TRPC5: variants seen among roughly 807,000 people sequenced by gnomAD.
TRPC5 encodes the protein transient receptor potential cation channel subfamily C member 5.
A neutral mutation model predicts 56.5 loss-of-function variants in TRPC5; 9 were observed. The observed-to-expected ratio is 0.16, with a 90% confidence interval of 0.10 to 0.28. The LOEUF (loss-of-function observed/expected upper bound fraction) is 0.28. Among genes scored for constraint, TRPC5 ranks in the 10% least tolerant of loss-of-function variants. The probability of loss-of-function intolerance (pLI) is 1.00; values close to 1 mark genes in which losing one functional copy is unlikely to be tolerated. For synonymous variants in TRPC5, 282 were observed against 278.5 expected (o/e 1.01, Z -0.13); for missense variants, 469 against 748.9 (o/e 0.63, Z 4.36).
At chrX:111,909,163 A>AAAC (rs1569527957) in intron 3 of TRPC5, among the ~76,000 whole-genome samples, 4 of 92,760 alleles carry the variant, frequency 4.3e-5, no homozygotes, top group Admixed American at 1.3e-4. Flanking sequence ...AAAAAAAAAA[A>AAAC]AAAAAAAAAA....
chrX:111,983,242 A>T (rs1411120381), intron 1 of TRPC5, among the ~76,000 whole-genome samples: 1 of 111,809 alleles, frequency 8.9e-6, no homozygotes, highest in Non-Finnish European at 1.9e-5. Context: ...TTGGGCACTC[A>T]GCAGTGACTG....
intron 1 of TRPC5, among the ~76,000 whole-genome samples, chrX:111,965,275 T>C (rs755886612): frequency 3.0e-4 from 34 of 112,196 alleles, no homozygotes; most frequent in African/African-American, 1.1e-3. Context: ...AAGAGCTAAC[T>C]ATCCTAAATA....
At chrX:111,825,143 C>CT (rs1300448729) in intron 7 of TRPC5, among the ~76,000 whole-genome samples, 16 of 67,739 alleles carry the variant, frequency 2.4e-4, no homozygotes, top group South Asian at 6.0e-4. Context: ...TCCTTCCTTC[C>CT]TTCCTTTCTT....
intron 1 of TRPC5, among the ~76,000 whole-genome samples, chrX:112,056,603 G>GT (rs1930346652): frequency 8.9e-6 from 1 of 112,222 alleles, no homozygotes; most frequent in Admixed American, 9.4e-5. Flanking sequence ...CCATAGCACC[G>GT]TATGTTCTAT....
intron 1 of TRPC5, among the ~76,000 whole-genome samples, chrX:112,077,950 A>G (rs966399944): frequency 5.4e-5 from 6 of 111,076 alleles, no homozygotes; most frequent in Non-Finnish European, 7.5e-5. Context: ...GTATTTGCAC[A>G]TGCATTTGGG....
intron 3 of TRPC5, chrX:111,901,757 C>A (rs1925356092): frequency 1.4e-6 from 1 of 693,145 alleles, no homozygotes. Context: ...AACCACAGAA[C>A]CATTGTTAGC....
intron 7 of TRPC5, among the ~76,000 whole-genome samples, chrX:111,800,879 G>A (rs1603033830): frequency 9.0e-6 from 1 of 111,439 alleles, no homozygotes; most frequent in East Asian, 2.8e-4. Flanking sequence ...GAAACCAAAA[G>A]TTATAAGCAG....
At chrX:112,035,077 C>CTTT (rs1182759042) in intron 1 of TRPC5, among the ~76,000 whole-genome samples, 1 of 82,052 alleles carries the variant, frequency 1.2e-5, no homozygotes, top group African/African-American at 5.4e-5. Flanking sequence ...TGAAGTTTTC[C>CTTT]TTTTTTTTTT....
intron 1 of TRPC5, among the ~76,000 whole-genome samples, chrX:111,994,265 T>TCTGTTTTGGTACCATTACCATG (rs1928452712): frequency 9.0e-6 from 1 of 111,585 alleles, no homozygotes; most frequent in Admixed American, 9.6e-5. Flanking sequence ...TGTCTATATA[T>TCTGTTTTGGTACCATTACCATG]CTGTTTTGGT....
At chrX:111,965,711 C>G (rs1299833974) in intron 1 of TRPC5, among the ~76,000 whole-genome samples, 1 of 111,971 alleles carries the variant, frequency 8.9e-6, no homozygotes, top group African/African-American at 3.2e-5. Context: ...GAACAACCTG[C>G]TCCTGAATGA....
chrX:111,791,450 C>A (rs1366474250), intron 7 of TRPC5, among the ~76,000 whole-genome samples: 1 of 111,753 alleles, frequency 8.9e-6, no homozygotes, highest in Non-Finnish European at 1.9e-5. Flanking sequence ...TTGAAGATAC[C>A]AACCAGCCAC....
At position 111,807,663 on chromosome X, in the gene TRPC5, A is replaced by G. The variant is rs188132888; in HGVS notation, c.1897-25525T>C. On this transcript the variant is annotated intron_variant, in intron 7 of 10. Transcript: ENST00000262839. ...CTGTGTCTGGGCATTGAAGAGTTAG[A>G]TATTTATTGTAGTCTTCACAGTCTG... Among the ~76,000 whole-genome samples the G allele has an allele frequency of 2.3e-3, 258 of 111,890 alleles. 1 individual carries two copies. The highest frequency in any genetic ancestry group is 7.9e-3 in the Admixed American group (83 of 10,520).
intron 6 of TRPC5, among the ~76,000 whole-genome samples, chrX:111,843,873 AGTGTGTGTGTGTGTGTGTGTGTGTGTGT>A (rs547330564): frequency 2.8e-5 from 2 of 72,589 alleles, no homozygotes; most frequent in Admixed American, 1.5e-4. Context: ...CAGTGGGATG[AGTGTGTGTGTGTGTGTGTGTGTGTGTGT>A]GTGTGTGTGT....
chrX:111,786,274 G>A (rs1945964079), intron 7 of TRPC5, among the ~76,000 whole-genome samples: 1 of 111,367 alleles, frequency 9.0e-6, no homozygotes, highest in South Asian at 3.8e-4. Flanking sequence ...CATTCTGAAA[G>A]AAAAGAATTT....
At chrX:111,778,309 A>AAT (rs1569525015) in intron 10 of TRPC5, among the ~76,000 whole-genome samples, 2 of 110,808 alleles carry the variant, frequency 1.8e-5, no homozygotes, top group South Asian at 3.8e-4. Context: ...AAAATTAAAA[A>AAT]ATATATATAT....
At chrX:111,876,250 G>A (rs917465701) in intron 3 of TRPC5, 1 of 110,714 alleles carries the variant, frequency 9.0e-6, no homozygotes, top group African/African-American at 3.3e-5. Context: ...ATATCTCTGT[G>A]AAGGTCAACC....
intron 1 of TRPC5, among the ~76,000 whole-genome samples, chrX:112,069,157 C>T (rs930293792): frequency 1.8e-5 from 2 of 112,030 alleles, no homozygotes; most frequent in Admixed American, 1.9e-4. Context: ...TCTATTAGGA[C>T]AACACTACTA....
At chrX:111,783,140 A>T (rs1456644073) in intron 7 of TRPC5, among the ~76,000 whole-genome samples, 2 of 112,280 alleles carry the variant, frequency 1.8e-5, no homozygotes, top group Non-Finnish European at 3.8e-5. Flanking sequence ...TCAATAGCCC[A>T]TTCAATCACA....
At chrX:112,040,171 G>A (rs1929855840) in intron 1 of TRPC5, among the ~76,000 whole-genome samples, 1 of 111,931 alleles carries the variant, frequency 8.9e-6, no homozygotes, top group Admixed American at 9.4e-5. Context: ...CTTTTGGGTT[G>A]TGGGGGAAAG....
Sources: allele counts gnomAD v4.1 joint callset (sites outside exome capture counted in the v4.1 genomes callset), GRCh38; gene constraint gnomAD v4.1.1; transcripts MANE v1.5; gene names NCBI Gene and HGNC (gene_info 2026-07-23, HGNC 2026-07-21).